R3HDM2: variants seen among roughly 807,000 people sequenced by gnomAD.
R3HDM2 encodes the protein R3H domain containing 2, also known as R3H domain-containing protein 2.
A neutral mutation model predicts 124.5 loss-of-function variants in R3HDM2; 38 were observed. The ratio of observed to expected loss-of-function variants is 0.31; its 90% CI spans 0.24 to 0.40. R3HDM2 has a LOEUF of 0.40. Among genes scored for constraint, R3HDM2 ranks in the 10% least tolerant of loss-of-function variants. The pLI, the probability that R3HDM2 is intolerant of heterozygous loss-of-function variation, is 1.00. For synonymous variants in R3HDM2, 391 were observed against 448.0 expected (o/e 0.87, Z 1.61); for missense variants, 869 against 1,236.9 (o/e 0.70, Z 4.46).
intron 2 of R3HDM2, among the ~76,000 whole-genome samples, chr12:57,352,305 T>C (rs1191896551): frequency 6.9e-6 from 1 of 144,302 alleles, no homozygotes; most frequent in Non-Finnish European, 1.5e-5. Flanking sequence ...ACTTATGAAA[T>C]GTTATTGAAG....
chr12:57,289,013 T>C lies in R3HDM2; in HGVS notation c.934A>G (p.Ile312Val). ...AACATGCTAAGTGGTACTAACCTGA[T>C]GTCATTTAGATATCCGTTCTGGCCA... ...ETGQNGYLND[I>V]RGNREGLSRT... The change falls in exon 12 of 24, where the codon ATC becomes GTC. Residue 312 changes from isoleucine (I) to valine (V), a missense_variant. Coordinates refer to ENST00000402412, the MANE Select transcript of R3HDM2 (RefSeq NM_001394031.1). 10 of 1,550,232 alleles carry C rather than the reference T, an allele frequency of 6.5e-6. No homozygotes were observed. The highest frequency in any genetic ancestry group is 1.4e-5 in the African/African-American group (1 of 73,130).
At chr12:57,403,091 C>T (rs965948870) in intron 1 of R3HDM2, among the ~76,000 whole-genome samples, 1 of 151,934 alleles carries the variant, frequency 6.6e-6, no homozygotes, top group Non-Finnish European at 1.5e-5. Flanking sequence ...CACGGTGGCT[C>T]ATACCTGTAA....
rs553901578 is a variant in R3HDM2, at chr12:57,272,611, G to A, written c.1345-2617C>T. The A allele has an allele frequency of 9.3e-5, 49 of 526,422 alleles. No individual in the cohort carries two copies. The African/African-American group carries it at 1.0e-3, about 11-fold the overall frequency. 32.6% of individuals were successfully genotyped at this position (526,422 alleles called of 1,614,324 possible). Reference sequence around the variant, plus strand: ...GGAAGAGAAAAGAGAGGTGGGAAGCGGGGGGTGGGGTGGGGGGGGGGTGCG... The same window carrying A: ...GGAAGAGAAAAGAGAGGTGGGAAGCAGGGGGTGGGGTGGGGGGGGGGTGCG... On this transcript the variant is annotated intron_variant, in intron 14 of 23. Coordinates refer to ENST00000402412, the MANE Select transcript of R3HDM2 (RefSeq NM_001394031.1).
At chr12:57,339,719 GAGA>G (rs1319760314) in intron 2 of R3HDM2, among the ~76,000 whole-genome samples, 1 of 151,802 alleles carries the variant, frequency 6.6e-6, no homozygotes, top group Non-Finnish European at 1.5e-5. Context: ...AAGAGAGAGA[GAGA>G]AGGAGAAGCT....
At chr12:57,299,666 G>A (rs567408066) in intron 5 of R3HDM2, among the ~76,000 whole-genome samples, 188 bp from the exon 6 acceptor site, 173 of 152,260 alleles carry the variant, frequency 1.1e-3, no homozygotes, top group African/African-American at 4.1e-3. Context: ...CTGCCAGCAA[G>A]CACAACCTAC....
intron 1 of R3HDM2, among the ~76,000 whole-genome samples, chr12:57,403,406 G>A (rs2068227048): frequency 6.6e-6 from 1 of 152,022 alleles, no homozygotes; most frequent in Non-Finnish European, 1.5e-5. Flanking sequence ...GCAGGCAAAT[G>A]GCTTGAACCT....
intron 2 of R3HDM2, among the ~76,000 whole-genome samples, chr12:57,372,962 T>C (rs562264203): frequency 6.6e-6 from 1 of 152,330 alleles, no homozygotes; most frequent in Non-Finnish European, 1.5e-5. Context: ...TCCCAGCCCT[T>C]TGGCAGGAGG....
At chr12:57,415,001 G>A (rs1165616705) in intron 1 of R3HDM2, among the ~76,000 whole-genome samples, 1 of 152,122 alleles carries the variant, frequency 6.6e-6, no homozygotes, top group Non-Finnish European at 1.5e-5. Flanking sequence ...GTAAGGAAGT[G>A]CTCAAAACAT....
intron 1 of R3HDM2, among the ~76,000 whole-genome samples, chr12:57,412,554 AAAAC>A (rs1001886065): frequency 6.6e-5 from 10 of 152,108 alleles, no homozygotes; most frequent in African/African-American, 2.4e-4. Context: ...AGAAAAAATT[AAAAC>A]AAACAAACAC....
intron 1 of R3HDM2, among the ~76,000 whole-genome samples, chr12:57,423,912 C>T (rs1322930400): frequency 1.4e-5 from 2 of 148,112 alleles, no homozygotes; most frequent in Non-Finnish European, 3.0e-5. Context: ...GTCAGGAGTT[C>T]GAGGCCAGCC....
chr12:57,381,793 G>A (rs1050066153), intron 2 of R3HDM2, among the ~76,000 whole-genome samples: 5 of 151,970 alleles, frequency 3.3e-5, no homozygotes, highest in Non-Finnish European at 5.9e-5. Context: ...TACATATAGA[G>A]AGAGGGGATA....
At chr12:57,417,492 A>C (rs1192265726) in intron 1 of R3HDM2, among the ~76,000 whole-genome samples, 1 of 152,232 alleles carries the variant, frequency 6.6e-6, no homozygotes, top group Non-Finnish European at 1.5e-5. Context: ...CTCACTGTGA[A>C]ATGGGAATAA....
Position 57,254,439 on chromosome 12 carries a change from T to C in R3HDM2, c.*334A>G, listed in dbSNP as rs923840947. ...TCACCTGAACCCAGGAGCTGGAGGT[T>C]GCAGTTAGCCAAGATCGTGCTACTG... On this transcript the variant is annotated 3_prime_UTR_variant, in exon 24 of 24. Transcript: ENST00000402412. The C allele has an allele frequency of 3.9e-5, 13 of 335,642 alleles. No homozygotes were observed. Among genetic ancestry groups the C allele is most frequent in the African/African-American group, 1.4e-4 (6 of 43,470 alleles). 20.8% of individuals were successfully genotyped at this position (335,642 alleles called of 1,614,324 possible). A position where few individuals can be genotyped will look rare whatever the true frequency, so the allele number is the denominator to read the frequency against.
At chr12:57,282,702 T>C (rs1202064045) in intron 13 of R3HDM2, among the ~76,000 whole-genome samples, 1 of 148,982 alleles carries the variant, frequency 6.7e-6, no homozygotes, top group African/African-American at 2.5e-5. Context: ...GAGAATGGAG[T>C]AGAGATATCA....
Position 57,268,475 on chromosome 12 carries a change from G to C in R3HDM2, c.1876-18C>G. On this transcript the variant is annotated intron_variant, in intron 17 of 23. Coordinates refer to ENST00000402412, the MANE Select transcript of R3HDM2 (RefSeq NM_001394031.1). ...ACTGGAACCTGGGTGAGAAAGAGAAGAGAAAGAATCACATTCGCATTCACA... is the reference window on the plus strand; with the variant it reads ...ACTGGAACCTGGGTGAGAAAGAGAACAGAAAGAATCACATTCGCATTCACA... 1.2e-6 allele frequency: 2 copies of C among 1,613,274 alleles called. No individual in the cohort carries two copies. The highest frequency in any genetic ancestry group is 1.7e-6 in the Non-Finnish European group (2 of 1,179,578).
chr12:57,270,693 C>G (rs189596186), intron 14 of R3HDM2, among the ~76,000 whole-genome samples: 204 of 152,090 alleles, frequency 1.3e-3, no homozygotes, highest in Non-Finnish European at 2.0e-3. Context: ...CTCAGCCTCC[C>G]AAAGTGTTTG....
At chr12:57,309,735 G>T (rs2053518559) in intron 3 of R3HDM2, among the ~76,000 whole-genome samples, 1 of 152,192 alleles carries the variant, frequency 6.6e-6, no homozygotes, top group African/African-American at 2.4e-5. Context: ...TCAAAATGCA[G>T]CAAGAACCAG....
Position 57,267,414 on chromosome 12 carries a change from G to A in R3HDM2, c.2031-583C>T, listed in dbSNP as rs148260942. Among the ~76,000 whole-genome samples, 563 of 152,258 alleles carry A rather than the reference G, an allele frequency of 3.7e-3. 3 individuals are homozygous for A. Among genetic ancestry groups the A allele is most frequent in the Admixed American group, 8.6e-3 (131 of 15,272 alleles). On this transcript the variant is annotated intron_variant, in intron 18 of 23. Transcript: ENST00000402412. ...TACTAAAAATACAAAAATTAGCTGG[G>A]CATGGTGGCGCACACCTGTAGTCCC...
chr12:57,271,966 C>T (rs2043691233), intron 14 of R3HDM2, among the ~76,000 whole-genome samples: 1 of 151,388 alleles, frequency 6.6e-6, no homozygotes, highest in African/African-American at 2.4e-5. Context: ...GCGATCTCGG[C>T]TCACTGCAAC....
Sources: gnomAD v4.1 joint callset for allele counts (sites outside exome capture counted in the v4.1 genomes callset) on GRCh38, gnomAD v4.1.1 for gene constraint, MANE v1.5 for transcripts, NCBI Gene and HGNC (gene_info 2026-07-23, HGNC 2026-07-21) for gene names.